Variants in SORL1 observed in about 807,000 individuals in gnomAD.
The protein encoded by SORL1 is sortilin-related receptor.
SORL1 carries 127 observed loss-of-function variants against 273.7 expected under a neutral mutation model. The observed-to-expected ratio is 0.46, with a 90% confidence interval of 0.40 to 0.54. The LOEUF (loss-of-function observed/expected upper bound fraction) is 0.54, where lower values mean the gene tolerates loss of function less well. Among genes scored for constraint, SORL1 ranks in the 20% least tolerant of loss-of-function variants. The pLI, the probability that SORL1 is intolerant of heterozygous loss-of-function variation, is 0.00. For synonymous variants in SORL1, 1,031 were observed against 1,067.4 expected (o/e 0.97, Z 0.66); for missense variants, 2,494 against 2,846.1 (o/e 0.88, Z 2.81).
chr11:121,521,833 A>G (rs368295190), intron 9 of SORL1, among the ~76,000 whole-genome samples: 1 of 152,256 alleles, frequency 6.6e-6, no homozygotes, highest in Admixed American at 6.5e-5. Context: ...TTACCTGACC[A>G]TAACCACATA....
chr11:121,546,361 C>G (rs920844922), intron 14 of SORL1, among the ~76,000 whole-genome samples: 1 of 151,022 alleles, frequency 6.6e-6, no homozygotes, highest in Non-Finnish European at 1.5e-5. Context: ...ATGATGAGAA[C>G]AGAGCTTAGC....
In SORL1 at chr11:121,595,539, A is replaced by C. The variant is rs1863280351; in HGVS notation, c.4370-84A>C. The stretch of plus-strand genomic sequence containing the variant: ...CCCATTGTAATTTCTAAAGCACCGT[A>C]ATCTCCTAGCATATTGATTGGTTGC... On this transcript the variant is annotated intron_variant, in intron 31 of 47. Transcript: ENST00000260197. The surrounding 1 kb of genome is among the most constrained non-coding windows in gnomAD (Gnocchi z 5.1). 3.2e-6 allele frequency: 4 copies of C among 1,232,510 alleles called. No individual in the cohort carries two copies. Among genetic ancestry groups the C allele is most frequent in the Non-Finnish European group, 1.1e-6 (1 of 874,694 alleles). The allele number at this position is 1,232,510 out of a possible 1,614,324, so 76.3% of individuals were successfully genotyped here. A position where few individuals can be genotyped will look rare whatever the true frequency, so the allele number is the denominator to read the frequency against.
chr11:121,470,571 G>C (rs767182035), intron 2 of SORL1, among the ~76,000 whole-genome samples: 3 of 152,224 alleles, frequency 2.0e-5, no homozygotes, highest in Non-Finnish European at 4.4e-5. Flanking sequence ...TAGTAGGTGA[G>C]GTACTTTGAA....
chr11:121,458,867 A>G (rs983318937), intron 1 of SORL1, among the ~76,000 whole-genome samples: 1 of 152,160 alleles, frequency 6.6e-6, no homozygotes, highest in African/African-American at 2.4e-5. Flanking sequence ...AACATGACCA[A>G]TGCTTTGTGC....
At position 121,512,990 on chromosome 11, in the gene SORL1, T is replaced by G. The variant is rs750842628; in HGVS notation, c.940-13T>G. 1.5e-5 allele frequency: 24 copies of G among 1,604,260 alleles called. No homozygotes were observed. In the East Asian group the frequency reaches 5.4e-4, roughly 36 times the overall value. The stretch of plus-strand genomic sequence containing the variant: ...TGGCACCATTAATTTTTTTTTCTCC[T>G]CTTCCTTGGCAGCATCTCTTGGGCA... On this transcript the variant is annotated splice_polypyrimidine_tract_variant and intron_variant, in intron 6 of 47. Coordinates refer to ENST00000260197, the MANE Select transcript of SORL1 (RefSeq NM_003105.6).
chr11:121,533,397 G>A (rs1198486128), intron 12 of SORL1, among the ~76,000 whole-genome samples: 4 of 152,052 alleles, frequency 2.6e-5, no homozygotes, highest in African/African-American at 9.7e-5. Context: ...TTTCGATTGC[G>A]TCCTACATTC....
At chr11:121,494,575 A>C (rs998363995) in intron 5 of SORL1, among the ~76,000 whole-genome samples, 15 of 152,222 alleles carry the variant, frequency 9.9e-5, no homozygotes, top group African/African-American at 3.6e-4. Context: ...GAATTTCTCA[A>C]TGAGGACAAA....
chr11:121,487,005 C>T (rs1861483878), intron 3 of SORL1, among the ~76,000 whole-genome samples: 1 of 152,118 alleles, frequency 6.6e-6, no homozygotes, highest in East Asian at 1.9e-4. Context: ...ATCTCTTTTC[C>T]CCCTTTGTGC....
chr11:121,547,839 G>A (rs1862457014), intron 14 of SORL1, among the ~76,000 whole-genome samples: 1 of 152,130 alleles, frequency 6.6e-6, no homozygotes, highest in Admixed American at 6.6e-5. Context: ...CAAGATGGAC[G>A]TCAGGAAATG....
intron 23 of SORL1, 103 bp from the exon 24 acceptor site, chr11:121,574,138 A>G (rs913928865): frequency 7.0e-6 from 8 of 1,145,140 alleles, no homozygotes; most frequent in African/African-American, 1.5e-5. Context: ...TACAATTAAT[A>G]CCTGCTTTCT....
At chr11:121,581,217 T>C (rs1699103) in intron 25 of SORL1, among the ~76,000 whole-genome samples, 63,038 of 152,206 alleles carry the variant, frequency 0.41, 15,848 homozygotes, top group Non-Finnish European at 0.58. Flanking sequence ...CTCATGCGTT[T>C]CTTTATAGTC....
intron 40 of SORL1, chr11:121,614,155 A>G (rs1361986723): frequency 6.6e-6 from 1 of 152,242 alleles, no homozygotes; most frequent in Non-Finnish European, 1.5e-5. Flanking sequence ...TCCTCTGATC[A>G]GAAAGGGGAT....
At chr11:121,505,354 C>T (rs1347499825) in intron 6 of SORL1, among the ~76,000 whole-genome samples, 2 of 151,720 alleles carry the variant, frequency 1.3e-5, no homozygotes, top group Non-Finnish European at 2.9e-5. Flanking sequence ...GTAAGTCTAG[C>T]TTGTAGTCTA....
intron 8 of SORL1, among the ~76,000 whole-genome samples, chr11:121,517,820 T>C (rs1861978234): frequency 6.6e-6 from 1 of 152,242 alleles, no homozygotes; most frequent in Non-Finnish European, 1.5e-5. Context: ...TTATACTCAG[T>C]TGAGTGATGT....
intron 3 of SORL1, among the ~76,000 whole-genome samples, chr11:121,487,173 T>C (rs895816455): frequency 1.3e-5 from 2 of 152,174 alleles, no homozygotes; most frequent in Admixed American, 1.3e-4. Context: ...CCTCACTTTC[T>C]CTTGACTGAT....
intron 6 of SORL1, among the ~76,000 whole-genome samples, chr11:121,503,098 G>A (rs983267647): frequency 6.6e-6 from 1 of 152,050 alleles, no homozygotes; most frequent in Non-Finnish European, 1.5e-5. Flanking sequence ...TCAAACTCCT[G>A]GGCTCAAGCA....
chr11:121,599,094 C>G (rs1339917006), intron 32 of SORL1, among the ~76,000 whole-genome samples: 1 of 152,072 alleles, frequency 6.6e-6, no homozygotes, highest in Non-Finnish European at 1.5e-5. Flanking sequence ...CTAAACTATT[C>G]CTGTTGGAAC....
Position 121,629,546 on chromosome 11 carries a change from C to T in SORL1, c.6628C>T (p.Pro2210Ser), listed in dbSNP as rs771321499. 6.4e-7 allele frequency: 1 copy of T among 1,563,062 alleles called. No homozygotes were observed. The highest frequency in any genetic ancestry group is 8.8e-7 in the Non-Finnish European group (1 of 1,133,530). Reference sequence around the variant, plus strand: ...GATAACTGGATTTTCAGATGACGTCCCCATGGTGATAGCCTGAAAGAGCTT... The same window carrying T: ...GATAACTGGATTTTCAGATGACGTCTCCATGGTGATAGCCTGAAAGAGCTT... Reference protein sequence around the residue: ...PMITGFSDDVPMVIA With the variant: ...PMITGFSDDVSMVIA Residue 2210 changes from proline to serine, a missense_variant, in exon 48 of 48, where the codon CCC becomes TCC. Pro to Ser is a moderately conservative substitution (Grantham distance 74). Around this residue, in one of 3 missense-constraint regions of SORL1, gnomAD observed 1,609 missense variants for 1,816.4 expected, o/e 0.89. Coordinates refer to ENST00000260197, the MANE Select transcript of SORL1 (RefSeq NM_003105.6).
chr11:121,543,924 CT>C (rs1862385458), intron 13 of SORL1, among the ~76,000 whole-genome samples, 198 bp downstream of exon 13: 1 of 152,134 alleles, frequency 6.6e-6, no homozygotes, highest in Non-Finnish European at 1.5e-5. Context: ...GGGTGCTATT[CT>C]TTGTATCTTA....
Sources: gnomAD v4.1 joint callset for allele counts (sites outside exome capture counted in the v4.1 genomes callset) on GRCh38, gnomAD v4.1.1 for gene constraint, gnomAD v4.1.1 regional missense constraint, Gnocchi (gnomAD v3.1) non-coding constraint, MANE v1.5 for transcripts, NCBI Gene and HGNC (gene_info 2026-07-23, HGNC 2026-07-21) for gene names.